The following DNMT1 variants were observed in gnomAD, a reference collection of about 807,000 sequenced individuals.
DNMT1 encodes the protein DNA methyltransferase 1.
DNMT1 carries 24 observed loss-of-function variants against 205.3 expected under a neutral mutation model. The observed-to-expected ratio is 0.12, with a 90% CI of 0.08 to 0.16. The LOEUF (loss-of-function observed/expected upper bound fraction) is 0.16, where lower values mean the gene tolerates loss of function less well. Ranked by LOEUF, DNMT1 falls within the 10% of genes least tolerant of loss-of-function variation. DNMT1 has a pLI of 1.00. For missense variants in DNMT1, 1,293 were observed against 2,177.7 expected (o/e 0.59, Z 8.09); for synonymous variants, 817 against 839.8 (o/e 0.97, Z 0.47).
chr19:10,182,007 T>A lies in DNMT1; in HGVS notation c.117+34A>T, dbSNP rs1283276095. On this transcript the variant is annotated intron_variant, in intron 2 of 40. Transcript: ENST00000359526. The stretch of plus-strand genomic sequence containing the variant: ...GAGCCACAAAGTGTGTCAGTCAGAT[T>A]TGGTAATAAGAAAAATTTTAAGGTG... 1.9e-6 allele frequency: 3 copies of A among 1,596,694 alleles called. No individual in the cohort carries two copies. In the Admixed American group the frequency reaches 5.0e-5, roughly 27 times the overall value.
At chr19:10,193,630 T>C (rs1395054182) in intron 1 of DNMT1, among the ~76,000 whole-genome samples, 1 of 133,990 alleles carries the variant, frequency 7.5e-6, no homozygotes, top group African/African-American at 2.8e-5. Flanking sequence ...CCCAAATTGC[T>C]GGGATTACAG....
Position 10,137,153 on chromosome 19 carries a change from G to A in DNMT1, c.4421C>T (p.Thr1474Ile), listed in dbSNP as rs1361579493. 2 of 1,610,046 alleles carry A rather than the reference G, an allele frequency of 1.2e-6. No homozygotes were observed. The highest frequency in any genetic ancestry group is 1.7e-6 in the Non-Finnish European group (2 of 1,178,934). The change falls in exon 37 of 41, where the codon ACC (threonine) becomes ATC (isoleucine). Residue 1474 changes from threonine (T) to isoleucine (I), a missense_variant. Physicochemically the swap from Thr to Ile is moderately conservative, Grantham distance 89. Transcript: ENST00000359526. This position sits in a 1 kb window ranked among gnomAD's most constrained non-coding sequence, Gnocchi z 6.4. ...DGTMARKLRY[T>I]HHDRKNGRSS... ...GCGGCCGTTCTTCCTGTCATGGTGG[G>A]TATACCGCAGCTTCCTGGCCATGGT... is the stretch of plus-strand genomic sequence containing the variant.
chr19:10,143,384 C>T (rs1047000944), intron 29 of DNMT1, among the ~76,000 whole-genome samples: 32 of 119,488 alleles, frequency 2.7e-4, no homozygotes, highest in African/African-American at 7.0e-4. Context: ...CCCAGCTAGT[C>T]TTTTTTTTTT....
chr19:10,183,831 C>T (rs1191603683), intron 1 of DNMT1, among the ~76,000 whole-genome samples: 1 of 152,020 alleles, frequency 6.6e-6, no homozygotes, highest in East Asian at 1.9e-4. Context: ...GAGCTGGTCA[C>T]ACCATTGCAC....
At chr19:10,165,857 G>C (rs1013127441) in intron 11 of DNMT1, among the ~76,000 whole-genome samples, 6 of 152,176 alleles carry the variant, frequency 3.9e-5, no homozygotes, top group Non-Finnish European at 7.4e-5. Context: ...TGGGAGGCTG[G>C]AGGCAATACC....
In DNMT1 at chr19:10,179,980, A is replaced by T. The variant is rs1487901400; in HGVS notation, c.493+207T>A. On this transcript the variant is annotated intron_variant, in intron 5 of 40. Coordinates refer to ENST00000359526, the MANE Select transcript of DNMT1 (RefSeq NM_001130823.3). ...ACTCTATCCTGGGCGATAGAGCAAG[A>T]CTCTGTCATTAAAAAAAAAAAAAAA... 13 of 265,306 alleles carry T rather than the reference A, an allele frequency of 4.9e-5. No individual in the cohort carries two copies. In the South Asian group the frequency reaches 5.3e-4, roughly 11 times the overall value. The allele number at this position is 265,306 out of a possible 1,614,324, so 16.4% of individuals were successfully genotyped here.
Position 10,154,884 on chromosome 19 carries a change from T to C in DNMT1, c.1644+21A>G. 1 of 1,614,234 alleles carries C rather than the reference T, an allele frequency of 6.2e-7. No homozygotes were observed. Among genetic ancestry groups the C allele is most frequent in the Non-Finnish European group, 8.5e-7 (1 of 1,180,050 alleles). On this transcript the variant is annotated intron_variant, in intron 20 of 40. Transcript: ENST00000359526. This position sits in a 1 kb window ranked among gnomAD's most constrained non-coding sequence, Gnocchi z 6.3. ...AGTTTCCAGTGGGAATCCCGGATGCTGAGGACCCTCGATCTCTTACCTCGA... is the reference window on the plus strand; with the variant it reads ...AGTTTCCAGTGGGAATCCCGGATGCCGAGGACCCTCGATCTCTTACCTCGA...
At chr19:10,139,951 G>A (rs1206265900) in intron 33 of DNMT1, 95 bp downstream of exon 33, 2 of 1,595,380 alleles carry the variant, frequency 1.3e-6, no homozygotes, top group Admixed American at 1.7e-5. Context: ...GCTTCCGGGG[G>A]GCAGAGGCCT....
intron 38 of DNMT1, 105 bp downstream of exon 38, chr19:10,136,016 G>A (rs1212367746): frequency 1.3e-6 from 2 of 1,546,094 alleles, no homozygotes; most frequent in Non-Finnish European, 8.7e-7. Context: ...GGTGCCTGGG[G>A]TCCTGGGGTG....
intron 1 of DNMT1, among the ~76,000 whole-genome samples, chr19:10,182,740 G>C (rs536602136): frequency 3.8e-4 from 57 of 151,634 alleles, no homozygotes; most frequent in African/African-American, 1.4e-3. Context: ...TGCGATCTCA[G>C]CTCACTGCAA....
Position 10,154,494 on chromosome 19 carries a change from C to A in DNMT1, c.1833-15G>T. The stretch of plus-strand genomic sequence containing the variant: ...CCTGGGCTCGCCTACGGGAGAGGTT[C>A]CAGCATCTCAGAGGACTGGGACAGA... On this transcript the variant is annotated splice_polypyrimidine_tract_variant and intron_variant, in intron 21 of 40. Transcript: ENST00000359526. The surrounding 1 kb of genome is among the most constrained non-coding windows in gnomAD (Gnocchi z 6.3). 1 of 1,614,150 alleles carries A rather than the reference C, an allele frequency of 6.2e-7. No individual in the cohort carries two copies. Among genetic ancestry groups the A allele is most frequent in the Non-Finnish European group, 8.5e-7 (1 of 1,180,028 alleles).
Position 10,164,913 on chromosome 19 carries a change from TAAAAAAAAAAAAAAAAAAAAAAAAAAAA to T in DNMT1, c.892-1581_892-1554del, listed in dbSNP as rs535161745. On this transcript the variant is annotated intron_variant, in intron 11 of 40. Transcript: ENST00000359526. ...ATTGCATGACAGAGAGAGACTATCT[TAAAAAAAAAAAAAAAAAAAAAAAAAAAA>T]AAAAAAAAAAAAAAAAGAACAAACC... 5.9e-4 allele frequency among the ~76,000 whole-genome samples: 20 copies of T among 34,046 alleles called. 1 individual carries two copies. Among genetic ancestry groups the T allele is most frequent in the African/African-American group, 2.4e-3 (17 of 7,140 alleles). 22.3% of individuals were successfully genotyped at this position (34,046 alleles called of 152,430 possible).
chr19:10,158,325 GAT>G (rs555233744), intron 17 of DNMT1, among the ~76,000 whole-genome samples: 302 of 152,286 alleles, frequency 2.0e-3, no homozygotes, highest in African/African-American at 6.9e-3. Context: ...ACAGCATCTT[GAT>G]CTAGATAGAA....
chr19:10,187,109 G>C (rs1392289859), intron 1 of DNMT1, among the ~76,000 whole-genome samples: 1 of 151,894 alleles, frequency 6.6e-6, no homozygotes, highest in Non-Finnish European at 1.5e-5. Flanking sequence ...CAGTCGGAGG[G>C]AGGGCAAAAG....
At chr19:10,183,112 T>C (rs2039111243) in intron 1 of DNMT1, among the ~76,000 whole-genome samples, 2 of 127,230 alleles carry the variant, frequency 1.6e-5, no homozygotes, top group African/African-American at 6.1e-5. Flanking sequence ...TATACGTGTG[T>C]ATATATATAT....
Position 10,151,077 on chromosome 19 carries a change from A to C in DNMT1, c.2265+321T>G, listed in dbSNP as rs140373042. On this transcript the variant is annotated intron_variant, in intron 24 of 40. Transcript: ENST00000359526. The surrounding 1 kb of genome is among the most constrained non-coding windows in gnomAD (Gnocchi z 5.0). ...GCCACTGCACTCCAGCCTGGGTGAC[A>C]GAGCAAGATTCCATCTTAAACAAAA... Among the ~76,000 whole-genome samples the C allele has an allele frequency of 2.4e-3, 361 of 152,348 alleles. 1 individual carries two copies. Among genetic ancestry groups the C allele is most frequent in the African/African-American group, 8.4e-3 (350 of 41,578 alleles).
At chr19:10,183,125 ATTTT>A (rs201154797) in intron 1 of DNMT1, among the ~76,000 whole-genome samples, 1 of 117,482 alleles carries the variant, frequency 8.5e-6, no homozygotes, top group Non-Finnish European at 1.7e-5. Context: ...ATATATATAT[ATTTT>A]TTTTTTTTGA....
chr19:10,142,069 C>T lies in DNMT1; in HGVS notation c.3268G>A (p.Val1090Met), dbSNP rs1194144103. The T allele has an allele frequency of 6.2e-7, 1 of 1,611,662 alleles. No homozygotes were observed. ...YGEDLPECVQVYSMGGPNRFY... is the reference protein window; with the variant it reads ...YGEDLPECVQMYSMGGPNRFY... ...CGGTTGGGGCCGCCCATGGAGTACACCTGGACGCACTCGGGCAGGTCCTCC... is the reference window on the plus strand; with the variant it reads ...CGGTTGGGGCCGCCCATGGAGTACATCTGGACGCACTCGGGCAGGTCCTCC... The change falls in exon 30 of 41, where the codon GTG becomes ATG. Residue 1090 changes from valine to methionine, a missense_variant. By Grantham distance (21) the Val-to-Met change is conservative. Coordinates refer to ENST00000359526, the MANE Select transcript of DNMT1 (RefSeq NM_001130823.3).
chr19:10,182,427 GTGTGTATATATATACATATATA>G (rs1363797630), intron 1 of DNMT1, among the ~76,000 whole-genome samples: 1 of 32,266 alleles, frequency 3.1e-5, no homozygotes, highest in East Asian at 1.1e-3. Flanking sequence ...GTATATATAT[GTGTGTATATATATACATATATA>G]TGTGTATATA....
Sources: gnomAD v4.1 joint callset for allele counts (sites outside exome capture counted in the v4.1 genomes callset) on GRCh38, gnomAD v4.1.1 for gene constraint, Gnocchi (gnomAD v3.1) non-coding constraint, MANE v1.5 for transcripts, NCBI Gene and HGNC (gene_info 2026-07-23, HGNC 2026-07-21) for gene names.